Variants in TRIM28 observed in about 807,000 individuals in gnomAD.
TRIM28 encodes tripartite motif containing 28.
A neutral mutation model predicts 87.4 loss-of-function variants in TRIM28; 8 were observed. The observed-to-expected ratio is 0.09, with a 90% confidence interval of 0.05 to 0.17. The LOEUF (loss-of-function observed/expected upper bound fraction) is 0.17, where lower values mean the gene tolerates loss of function less well. Among genes scored for constraint, TRIM28 ranks in the 10% least tolerant of loss-of-function variants. The pLI is 1.00. For missense variants in TRIM28, 968 were observed against 1,131.8 expected, an observed-to-expected ratio of 0.86 and a Z score of 2.08; for synonymous variants, 601 against 454.3, an observed-to-expected ratio of 1.32 and a Z score of -4.11.
rs1046721625 is a variant in TRIM28 at position 58,548,277 on chromosome 19, C to G, written c.1102-17C>G. The G allele has an allele frequency of 6.2e-6, 10 of 1,613,932 alleles. No homozygotes were observed. The highest frequency in any genetic ancestry group is 7.6e-6 in the Non-Finnish European group (9 of 1,179,972). On this transcript the variant is annotated splice_polypyrimidine_tract_variant and intron_variant, in intron 7 of 16. Coordinates refer to ENST00000253024, the MANE Select transcript of TRIM28 (RefSeq NM_005762.3). ...TGTTGGTGTGCTCATTCTTTCCTCCCTTTCACTCCCAACCAGATCTACTTC... is the reference window on the plus strand; with the variant it reads ...TGTTGGTGTGCTCATTCTTTCCTCCGTTTCACTCCCAACCAGATCTACTTC...
chr19:58,545,919 G>A, intron 3 of TRIM28, 23 bp downstream of exon 3: 1 of 1,575,062 alleles, frequency 6.3e-7, no homozygotes, highest in South Asian at 1.1e-5. Context: ...GAGGGGGGCT[G>A]TTGGAGTTGT....
chr19:58,549,019 C>G lies in TRIM28; in HGVS notation c.1441C>G (p.Leu481Val). The G allele has an allele frequency of 6.2e-7, 1 of 1,614,084 alleles. No individual in the cohort carries two copies. ...CTCAGGTGAGGGCGAGGTGAGCGGC[C>G]TTATGCGCAAGGTGCCACGAGTGAG... ...SRSGEGEVSGLMRKVPRVSLE... is the reference protein window; with the variant it reads ...SRSGEGEVSGVMRKVPRVSLE... Residue 481 changes from leucine to valine, a missense_variant, in exon 12 of 17, where the codon CTT (leucine) becomes GTT (valine). Physicochemically the swap from Leu to Val is conservative, Grantham distance 32 (BLOSUM62 1). This residue lies in a region of TRIM28 where 119 missense variants were observed against 93.6 expected (regional missense o/e 1.27). Transcript: ENST00000253024. This position sits in a 1 kb window ranked among gnomAD's most constrained non-coding sequence, Gnocchi z 4.4.
Position 58,544,733 on chromosome 19 carries a change from C to T in TRIM28, c.-25C>T, listed in dbSNP as rs896816701. 2.4e-5 allele frequency: 25 copies of T among 1,044,594 alleles called. No individual in the cohort carries two copies. Among genetic ancestry groups the T allele is most frequent in the Admixed American group, 1.1e-4 (2 of 18,132 alleles). 64.7% of individuals were successfully genotyped at this position (1,044,594 alleles called of 1,614,324 possible). ...GCGGGCCCCGCGCCCCTCCTCCCCCCCTGGGCGCCCCCGGCGGCGTGTGAA... is the reference window on the plus strand; with the variant it reads ...GCGGGCCCCGCGCCCCTCCTCCCCCTCTGGGCGCCCCCGGCGGCGTGTGAA... On this transcript the variant is annotated 5_prime_UTR_variant, in exon 1 of 17. Coordinates refer to ENST00000253024, the MANE Select transcript of TRIM28 (RefSeq NM_005762.3).
intron 3 of TRIM28, chr19:58,547,068 A>G (rs1230278819): frequency 8.2e-6 from 2 of 243,248 alleles, no homozygotes; most frequent in Non-Finnish European, 1.4e-5. Context: ...GGGAAGGGTC[A>G]GCGGGGGTGG....
chr19:58,545,388 A>G (rs2053752326), intron 1 of TRIM28, 37 bp from the exon 2 acceptor site: 2 of 1,538,960 alleles, frequency 1.3e-6, no homozygotes, highest in Admixed American at 1.7e-5. Context: ...CCTGGGTGGG[A>G]ACTTGTAACA....
chr19:58,546,854 G>A (rs1352661425), intron 3 of TRIM28, among the ~76,000 whole-genome samples: 2 of 152,096 alleles, frequency 1.3e-5, no homozygotes, highest in Non-Finnish European at 2.9e-5. Context: ...GAGGGTCCTG[G>A]TTTGACATTT....
In TRIM28 at chr19:58,548,475, T is replaced by A. The variant is rs185307466; in HGVS notation, c.1217-11T>A. The A allele has an allele frequency of 5.0e-6, 8 of 1,614,064 alleles. No individual in the cohort carries two copies. In the African/African-American group the frequency reaches 1.1e-4, roughly 22 times the overall value. On this transcript the variant is annotated splice_polypyrimidine_tract_variant and intron_variant, in intron 8 of 16. Coordinates refer to ENST00000253024, the MANE Select transcript of TRIM28 (RefSeq NM_005762.3). ...GCTGCACCTACTTACGTTTCTCTCT[T>A]CTTTTTGCAGGCAAGATTGTGGCAG...
At position 58,549,542 on chromosome 19, in the gene TRIM28, C is replaced by T; in HGVS notation, c.1874C>T (p.Ala625Val). ...GGCCCGGGAACCCTGGATGACAGTG[C>T]CACCATTTGCCGTGTCTGCCAGAAG... The part of the protein sequence containing the change: ...GGGPGTLDDS[A>V]TICRVCQKPG... The change falls in exon 13 of 17, where the codon GCC (alanine) becomes GTC (valine). Residue 625 changes from alanine (A) to valine (V), a missense_variant. Physicochemically the swap from Ala to Val is moderately conservative, Grantham distance 64 (BLOSUM62 0). Transcript: ENST00000253024. The surrounding 1 kb of genome is among the most constrained non-coding windows in gnomAD (Gnocchi z 4.4). 1 of 1,614,044 alleles carries T rather than the reference C, an allele frequency of 6.2e-7. No individual in the cohort carries two copies. Among genetic ancestry groups the T allele is most frequent in the Non-Finnish European group, 8.5e-7 (1 of 1,179,998 alleles).
Position 58,548,117 on chromosome 19 carries a change from G to A in TRIM28, c.1038G>A (p.Leu346=). The A allele has an allele frequency of 6.2e-7, 1 of 1,614,246 alleles. No individual in the cohort carries two copies. The highest frequency in any genetic ancestry group is 8.5e-7 in the Non-Finnish European group (1 of 1,180,038). The change falls in exon 7 of 17, where the codon CTG becomes CTA. Residue 346 remains leucine (L), a synonymous_variant. Coordinates refer to ENST00000253024, the MANE Select transcript of TRIM28 (RefSeq NM_005762.3). ...TKIQKHQEHI[L]RFASWALESD... The stretch of plus-strand genomic sequence containing the variant: ...TCCAGAAGCACCAGGAGCACATTCT[G>A]CGCTTTGCCTCTTGGGCTCTGGAGA...
At chr19:58,548,664 CA>C (rs1193707956) in intron 9 of TRIM28, 72 bp downstream of exon 9, 19 of 1,281,844 alleles carry the variant, frequency 1.5e-5, no homozygotes, top group Admixed American at 8.6e-5. Flanking sequence ...AGGACCCAGG[CA>C]GGGGGGGTGG....
rs759455596 is a variant in TRIM28 at position 58,549,067 on chromosome 19, C to T, written c.1489C>T (p.Leu497Phe). 3.5e-5 allele frequency: 57 copies of T among 1,613,966 alleles called. No homozygotes were observed. The highest frequency in any genetic ancestry group is 6.7e-5 in the Admixed American group (4 of 59,998). ...GAGCCTTGAACGCCTGGACCTGGAC[C>T]TCACAGCTGACAGCCAGCCACCCGT... ...RVSLERLDLD[L>F]TADSQPPVFK... The change falls in exon 12 of 17, where the codon CTC (leucine) becomes TTC (phenylalanine). Residue 497 changes from leucine to phenylalanine, a missense_variant. Physicochemically the swap from Leu to Phe is conservative, Grantham distance 22. Transcript: ENST00000253024. This position sits in a 1 kb window ranked among gnomAD's most constrained non-coding sequence, Gnocchi z 4.4.
At position 58,547,382 on chromosome 19, in the gene TRIM28, C is replaced by G. The variant is rs1401153800; in HGVS notation, c.593C>G (p.Ala198Gly). Reference protein sequence around the residue: ...KDHTVRSTGPAKSRDGERTVY... With the variant: ...KDHTVRSTGPGKSRDGERTVY... ...TATGATTCCCACTCCCCAGGGCCAG[C>G]CAAGTCTCGGGATGGTGAACGTACT... The change falls in exon 4 of 17, where the codon GCC becomes GGC. Residue 198 changes from alanine (A) to glycine (G), a missense_variant. Around this residue, in one of 11 missense-constraint regions of TRIM28, gnomAD observed 103 missense variants for 139.0 expected, o/e 0.74. Transcript: ENST00000253024. The G allele has an allele frequency of 1.2e-6, 2 of 1,613,440 alleles. No homozygotes were observed. The highest frequency in any genetic ancestry group is 1.7e-6 in the Non-Finnish European group (2 of 1,179,656).
Position 58,549,060 on chromosome 19 carries a change from C to T in TRIM28, c.1482C>T (p.Asp494=), listed in dbSNP as rs2053788506. The change falls in exon 12 of 17, where the codon GAC becomes GAT. Residue 494 remains aspartate (D), a synonymous_variant. Coordinates refer to ENST00000253024, the MANE Select transcript of TRIM28 (RefSeq NM_005762.3). The surrounding 1 kb of genome is among the most constrained non-coding windows in gnomAD (Gnocchi z 4.4). ...CACGAGTGAGCCTTGAACGCCTGGA[C>T]CTGGACCTCACAGCTGACAGCCAGC... ...KVPRVSLERL[D]LDLTADSQPP... 1.2e-6 allele frequency: 2 copies of T among 1,613,958 alleles called. No homozygotes were observed. The highest frequency in any genetic ancestry group is 2.2e-5 in the East Asian group (1 of 44,902).
chr19:58,550,269 C>A lies in TRIM28; in HGVS notation c.2316C>A (p.Phe772Leu). The A allele has an allele frequency of 6.2e-7, 1 of 1,614,096 alleles. No homozygotes were observed. The change falls in exon 16 of 17, where the codon TTC becomes TTA. Residue 772 changes from phenylalanine (F) to leucine (L), a missense_variant. By Grantham distance (22) the Phe-to-Leu change is conservative (BLOSUM62 0). Around this residue, in one of 11 missense-constraint regions of TRIM28, gnomAD observed 192 missense variants for 225.6 expected, o/e 0.85. Transcript: ENST00000253024. The part of the protein sequence containing the change: ...AQDVGRMFKQ[F>L]NKLTEDKADV... The stretch of plus-strand genomic sequence containing the variant: ...ATGTGGGCCGCATGTTCAAGCAATT[C>A]AACAAGTTAACTGAGGTGAGCCAGT...
At position 58,549,514 on chromosome 19, in the gene TRIM28, G is replaced by C. The variant is rs750602318; in HGVS notation, c.1846G>C (p.Gly616Arg). The C allele has an allele frequency of 6.2e-7, 1 of 1,614,000 alleles. No homozygotes were observed. Among genetic ancestry groups the C allele is most frequent in the South Asian group, 1.1e-5 (1 of 91,090 alleles). Residue 616 changes from glycine (G) to arginine (R), a missense_variant, in exon 13 of 17, where the codon GGT (glycine) becomes CGT (arginine). Gly to Arg is a moderately radical substitution (Grantham distance 125). Transcript: ENST00000253024. This position sits in a 1 kb window ranked among gnomAD's most constrained non-coding sequence, Gnocchi z 4.4. ...VAPEGTSAPG[G>R]GPGTLDDSAT... ...TCCTGAGGGTACCTCAGCCCCAGGT[G>C]GTGGCCCGGGAACCCTGGATGACAG...
Position 58,548,925 on chromosome 19 carries a change from TC to T in TRIM28, c.1409+19del, listed in dbSNP as rs2053786999. ...GGTGTGAAACGGTAAGTATGGCACC[TC>T]CCCTGGGGGTGAGGTGGATGGAGGG... is the stretch of plus-strand genomic sequence containing the variant. On this transcript the variant is annotated intron_variant, in intron 11 of 16. Coordinates refer to ENST00000253024, the MANE Select transcript of TRIM28 (RefSeq NM_005762.3). 6.2e-7 allele frequency: 1 copy of T among 1,613,914 alleles called. No individual in the cohort carries two copies. Among genetic ancestry groups the T allele is most frequent in the Non-Finnish European group, 8.5e-7 (1 of 1,179,952 alleles).
rs1454584787 is a variant in TRIM28 at position 58,547,020 on chromosome 19, G to C, written c.587-356G>C. The C allele has an allele frequency of 1.6e-5, 3 of 192,580 alleles. No individual in the cohort carries two copies. In the Admixed American group the frequency reaches 1.9e-4, roughly 12 times the overall value. The allele number at this position is 192,580 out of a possible 1,614,324, so 11.9% of individuals were successfully genotyped here. ...GGTGTGTAGGCAGAATTCTGAGTAT[G>C]TCCACTTGGAGAAGTGTTCAGTAAA... On this transcript the variant is annotated intron_variant, in intron 3 of 16. Transcript: ENST00000253024.
chr19:58,546,242 G>T (rs538929088), intron 3 of TRIM28, among the ~76,000 whole-genome samples: 4 of 152,328 alleles, frequency 2.6e-5, no homozygotes, highest in African/African-American at 9.6e-5. Context: ...TTCTGGGTTT[G>T]TGGTTCCCTG....
chr19:58,548,687 G>T (rs1401107413), intron 9 of TRIM28, 53 bp from the exon 10 acceptor site: 11 of 1,610,014 alleles, frequency 6.8e-6, no homozygotes, highest in Non-Finnish European at 8.5e-6. Flanking sequence ...CAGGGAATGG[G>T]GTCCAGTAGG....
Sources: gnomAD v4.1 joint callset for allele counts (sites outside exome capture counted in the v4.1 genomes callset) on GRCh38, gnomAD v4.1.1 for gene constraint, gnomAD v4.1.1 regional missense constraint, Gnocchi (gnomAD v3.1) non-coding constraint, MANE v1.5 for transcripts, NCBI Gene and HGNC (gene_info 2026-07-23, HGNC 2026-07-21) for gene names.